PTPRT: variants seen among roughly 807,000 people sequenced by gnomAD.
PTPRT encodes receptor-type tyrosine-protein phosphatase T.
Under a neutral mutation model 176.8 loss-of-function variants are expected in PTPRT, and 56 were observed. The ratio of observed to expected loss-of-function variants is 0.32; its 90% confidence interval spans 0.26 to 0.40. The LOEUF (loss-of-function observed/expected upper bound fraction) is 0.40, where lower values mean the gene tolerates loss of function less well. PTPRT is among the 10% of genes least tolerant of loss of function. The pLI is 1.00. For synonymous variants in PTPRT, 783 were observed against 739.0 expected (o/e 1.06, Z -0.96); for missense variants, 1,540 against 1,908.2 (o/e 0.81, Z 3.60).
At chr20:42,970,319 C>T (rs566599244) in intron 1 of PTPRT, among the ~76,000 whole-genome samples, 1 of 152,184 alleles carries the variant, frequency 6.6e-6, no homozygotes, top group Non-Finnish European at 1.5e-5. Flanking sequence ...AGGTAACTAC[C>T]AGTCAAGGAT....
Position 42,305,610 on chromosome 20 carries a change from C to T in PTPRT, c.2139+10113G>A, listed in dbSNP as rs138313409. ...GTATCAGTTTTAACATGTGTGTGCACGTGTGTGTGTGCGTGTATGTGTGTG... is the reference window on the plus strand; with the variant it reads ...GTATCAGTTTTAACATGTGTGTGCATGTGTGTGTGTGCGTGTATGTGTGTG... On this transcript the variant is annotated intron_variant, in intron 12 of 30. Coordinates refer to ENST00000373187, the MANE Select transcript of PTPRT (RefSeq NM_007050.6). Among the ~76,000 whole-genome samples, 76 of 145,914 alleles carry T rather than the reference C, an allele frequency of 5.2e-4. No homozygotes were observed. The East Asian group carries it at 0.013, about 25-fold the overall frequency.
chr20:42,877,237 T>C (rs1239706054), intron 2 of PTPRT, among the ~76,000 whole-genome samples: 1 of 151,962 alleles, frequency 6.6e-6, no homozygotes, highest in African/African-American at 2.4e-5. Flanking sequence ...ACACCACCCC[T>C]ACTACTGCAC....
intron 7 of PTPRT, among the ~76,000 whole-genome samples, chr20:42,656,560 T>C (rs1204826648): frequency 6.6e-6 from 1 of 152,164 alleles, no homozygotes; most frequent in Non-Finnish European, 1.5e-5. Context: ...AAGCTGCTCA[T>C]CCACTGTTGA....
chr20:42,784,346 A>C (rs148582296), intron 3 of PTPRT, among the ~76,000 whole-genome samples: 7 of 152,362 alleles, frequency 4.6e-5, no homozygotes, highest in South Asian at 2.1e-4. Flanking sequence ...AGGGGCTGCA[A>C]ACATTTTCAG....
intron 7 of PTPRT, among the ~76,000 whole-genome samples, chr20:42,484,026 A>G (rs2071428815): frequency 6.6e-6 from 1 of 152,190 alleles, no homozygotes. Flanking sequence ...GCCTCATTGC[A>G]GCACCTCAGA....
chr20:42,933,783 A>G (rs1318294174), intron 1 of PTPRT, among the ~76,000 whole-genome samples: 1 of 152,192 alleles, frequency 6.6e-6, no homozygotes, highest in Non-Finnish European at 1.5e-5. Flanking sequence ...AAGTCAGAAG[A>G]AGAAGAGGCC....
intron 11 of PTPRT, among the ~76,000 whole-genome samples, chr20:42,324,685 C>A (rs2057856211): frequency 6.6e-6 from 1 of 152,184 alleles, no homozygotes; most frequent in African/African-American, 2.4e-5. Context: ...CAAGTGTGAG[C>A]TTTGTAATGC....
chr20:42,581,188 C>T (rs546461919), intron 7 of PTPRT, among the ~76,000 whole-genome samples: 13 of 152,260 alleles, frequency 8.5e-5, no homozygotes, highest in African/African-American at 2.4e-4. Context: ...TCATGATCCA[C>T]GCGACTAAAT....
intron 12 of PTPRT, among the ~76,000 whole-genome samples, chr20:42,308,158 A>G (rs2057572925): frequency 6.6e-6 from 1 of 152,122 alleles, no homozygotes; most frequent in Admixed American, 6.5e-5. Context: ...TCATTAAGAA[A>G]TAACCACAAA....
At chr20:42,157,105 T>C (rs1989389101) in intron 17 of PTPRT, among the ~76,000 whole-genome samples, 1 of 152,184 alleles carries the variant, frequency 6.6e-6, no homozygotes, top group Non-Finnish European at 1.5e-5. Context: ...CTGGCCTCTT[T>C]GCAACTGCTT....
At chr20:43,059,480 C>T (rs985603581) in intron 1 of PTPRT, among the ~76,000 whole-genome samples, 1 of 152,216 alleles carries the variant, frequency 6.6e-6, no homozygotes, top group Non-Finnish European at 1.5e-5. Context: ...CAGCTAAAAG[C>T]TTTGCCGCTT....
At chr20:43,001,679 AAG>A (rs1178816779) in intron 1 of PTPRT, among the ~76,000 whole-genome samples, 3 of 152,184 alleles carry the variant, frequency 2.0e-5, no homozygotes, top group African/African-American at 7.2e-5. Flanking sequence ...AAAAAATTCT[AAG>A]AAAATGAAAG....
intron 7 of PTPRT, among the ~76,000 whole-genome samples, chr20:42,645,386 C>T (rs1034653652): frequency 6.6e-6 from 1 of 152,112 alleles, no homozygotes; most frequent in Non-Finnish European, 1.5e-5. Flanking sequence ...ATATGTGTGT[C>T]CAGCAGGGCC....
intron 7 of PTPRT, among the ~76,000 whole-genome samples, chr20:42,657,753 C>A (rs555400784): frequency 6.6e-6 from 1 of 152,262 alleles, no homozygotes; most frequent in South Asian, 2.1e-4. Flanking sequence ...AGAGGGACAA[C>A]CTTGCTCCCT....
chr20:42,349,843 G>A (rs118104626), intron 11 of PTPRT, among the ~76,000 whole-genome samples: 9 of 152,306 alleles, frequency 5.9e-5, no homozygotes, highest in Non-Finnish European at 1.2e-4. Context: ...AGATGCCCAC[G>A]CTCCTGATAT....
chr20:42,951,262 G>A (rs1981227165), intron 1 of PTPRT, among the ~76,000 whole-genome samples: 1 of 151,990 alleles, frequency 6.6e-6, no homozygotes, highest in Non-Finnish European at 1.5e-5. Context: ...GGGGTGGATG[G>A]ATGGATGGAG....
At chr20:42,687,023 T>C (rs1056973476) in intron 6 of PTPRT, among the ~76,000 whole-genome samples, 2 of 152,188 alleles carry the variant, frequency 1.3e-5, no homozygotes, top group South Asian at 2.1e-4. Context: ...CTCATGGTAA[T>C]TGCCATAAAG....
chr20:42,622,245 ATTT>A (rs368250330), intron 7 of PTPRT, among the ~76,000 whole-genome samples: 4 of 146,784 alleles, frequency 2.7e-5, no homozygotes, highest in Non-Finnish European at 3.0e-5. Flanking sequence ...ATGGACTTAA[ATTT>A]TTTTTTTTTT....
chr20:42,195,698 C>A (rs1991187135), intron 16 of PTPRT, among the ~76,000 whole-genome samples: 1 of 151,958 alleles, frequency 6.6e-6, no homozygotes, highest in Non-Finnish European at 1.5e-5. Flanking sequence ...TTTTAGAAAG[C>A]AATATTGTTA....
Sources: gnomAD v4.1 joint callset for allele counts (sites outside exome capture counted in the v4.1 genomes callset) on GRCh38, gnomAD v4.1.1 for gene constraint, MANE v1.5 for transcripts, NCBI Gene and HGNC (gene_info 2026-07-23, HGNC 2026-07-21) for gene names.